The following RAP1GAP2 variants were observed in gnomAD, a reference collection of about 807,000 sequenced individuals.
RAP1GAP2 encodes the protein rap1 GTPase-activating protein 2.
A neutral mutation model predicts 95.0 loss-of-function variants in RAP1GAP2; 27 were observed. The observed-to-expected ratio is 0.28, with a 90% CI of 0.21 to 0.39. The LOEUF (loss-of-function observed/expected upper bound fraction) is 0.39. RAP1GAP2 is among the 10% of genes least tolerant of loss of function. The probability of loss-of-function intolerance (pLI) is 1.00; values close to 1 mark genes in which losing one functional copy is unlikely to be tolerated. For synonymous variants in RAP1GAP2, 373 were observed against 380.9 expected (o/e 0.98, Z 0.24); for missense variants, 771 against 970.0 (o/e 0.79, Z 2.72).
At chr17:2,943,813 C>T (rs2043597451) in intron 3 of RAP1GAP2, among the ~76,000 whole-genome samples, 1 of 152,002 alleles carries the variant, frequency 6.6e-6, no homozygotes, top group Non-Finnish European at 1.5e-5. Flanking sequence ...AATAAAACCA[C>T]AGTGATATAT....
intron 3 of RAP1GAP2, 84 bp downstream of exon 3, chr17:2,905,452 A>G: frequency 7.2e-7 from 1 of 1,383,466 alleles, no homozygotes; most frequent in Non-Finnish European, 1.0e-6. Context: ...CTCCAGGCCC[A>G]GCAGCGTCCG....
intron 12 of RAP1GAP2, among the ~76,000 whole-genome samples, chr17:2,993,277 T>G (rs2045834256): frequency 6.9e-6 from 1 of 144,270 alleles, no homozygotes; most frequent in Admixed American, 7.0e-5. Flanking sequence ...TTGGGGGGAT[T>G]AAAATAAGAT....
At chr17:2,978,074 G>A (rs576354999) in intron 8 of RAP1GAP2, among the ~76,000 whole-genome samples, 1 of 152,190 alleles carries the variant, frequency 6.6e-6, no homozygotes, top group East Asian at 1.9e-4. Flanking sequence ...TATGCACTGT[G>A]GGCATAACTT....
intron 14 of RAP1GAP2, among the ~76,000 whole-genome samples, chr17:3,000,115 T>G (rs543303317): frequency 6.6e-6 from 1 of 152,200 alleles, no homozygotes; most frequent in Admixed American, 6.5e-5. Context: ...GCCCAGCTAA[T>G]TTTTTGTATT....
intron 2 of RAP1GAP2, among the ~76,000 whole-genome samples, chr17:2,803,293 G>A (rs2069377126): frequency 6.6e-6 from 1 of 152,182 alleles, no homozygotes; most frequent in African/African-American, 2.4e-5. Context: ...TGTGTTCGGA[G>A]TTTTATTGGT....
chr17:2,831,948 T>G lies in RAP1GAP2; in HGVS notation c.80+31398T>G, dbSNP rs567280125. 3.9e-4 allele frequency among the ~76,000 whole-genome samples: 59 copies of G among 150,248 alleles called. No individual in the cohort carries two copies. In the East Asian group the frequency reaches 5.0e-3, roughly 13 times the overall value. ...AGGCTGGGCGTGGTGGCTCACGCTTTTAATCCCAGCACTTTGGGAGGCTGA... is the reference window on the plus strand; with the variant it reads ...AGGCTGGGCGTGGTGGCTCACGCTTGTAATCCCAGCACTTTGGGAGGCTGA... On this transcript the variant is annotated intron_variant, in intron 2 of 24. Coordinates refer to ENST00000254695, the MANE Select transcript of RAP1GAP2 (RefSeq NM_015085.5).
At chr17:2,758,115 C>T (rs368811163) in intron 1 of RAP1GAP2, among the ~76,000 whole-genome samples, 16 of 150,684 alleles carry the variant, frequency 1.1e-4, no homozygotes, top group South Asian at 4.2e-4. Context: ...ATGATCCGCC[C>T]GCCTTGGCCT....
chr17:2,762,262 C>T (rs2071268764), intron 1 of RAP1GAP2, among the ~76,000 whole-genome samples: 1 of 151,910 alleles, frequency 6.6e-6, no homozygotes, highest in Non-Finnish European at 1.5e-5. Flanking sequence ...GCTGGGATTA[C>T]AGGCGTGAGC....
chr17:2,765,749 A>C (rs1377810668), intron 1 of RAP1GAP2, among the ~76,000 whole-genome samples: 7 of 151,672 alleles, frequency 4.6e-5, no homozygotes, highest in Non-Finnish European at 8.8e-5. Context: ...TCTCAAAAAA[A>C]AAAAAGAGTT....
At chr17:2,801,193 G>A (rs1433436586) in intron 2 of RAP1GAP2, among the ~76,000 whole-genome samples, 1 of 151,090 alleles carries the variant, frequency 6.6e-6, no homozygotes, top group East Asian at 2.0e-4. Context: ...ATATATATTG[G>A]GCTGGGCATG....
At chr17:2,858,755 TA>T (rs1293153829) in intron 2 of RAP1GAP2, among the ~76,000 whole-genome samples, 1 of 151,582 alleles carries the variant, frequency 6.6e-6, no homozygotes. Context: ...ACAAAAAAAA[TA>T]AAAAAACATA....
chr17:2,944,178 A>C (rs1021217038), intron 3 of RAP1GAP2, among the ~76,000 whole-genome samples: 2 of 151,722 alleles, frequency 1.3e-5, no homozygotes, highest in African/African-American at 2.4e-5. Flanking sequence ...AAAAAAAAAA[A>C]AAAAACCAAA....
In RAP1GAP2 at chr17:2,779,975, G is replaced by A. The variant is rs954191298; in HGVS notation, c.-14+2697G>A. On this transcript the variant is annotated intron_variant, in intron 1 of 24. Coordinates refer to the RAP1GAP2 transcript ENST00000540393. ...GGCAGGAAGGAAGGGAGGGCATTGGGTGAGGTCTAGCTGGGCCTTCCTAGG... is the reference window on the plus strand; with the variant it reads ...GGCAGGAAGGAAGGGAGGGCATTGGATGAGGTCTAGCTGGGCCTTCCTAGG... 5.9e-5 allele frequency among the ~76,000 whole-genome samples: 9 copies of A among 152,060 alleles called. No individual in the cohort carries two copies. In the East Asian group the frequency reaches 1.7e-3, roughly 29 times the overall value.
intron 2 of RAP1GAP2, among the ~76,000 whole-genome samples, chr17:2,893,120 C>T (rs1361831481): frequency 2.0e-5 from 3 of 151,948 alleles, no homozygotes; most frequent in African/African-American, 4.8e-5. Flanking sequence ...CTCTGCCTCC[C>T]GGGTTCAAGT....
In RAP1GAP2 at chr17:2,963,602, T is replaced by G. The variant is rs574993204; in HGVS notation, c.279+140T>G. 3 of 1,184,842 alleles carry G rather than the reference T, an allele frequency of 2.5e-6. No individual in the cohort carries two copies. The Admixed American group carries it at 5.7e-5, about 23-fold the overall frequency. The allele number at this position is 1,184,842 out of a possible 1,614,324, so 73.4% of individuals were successfully genotyped here. ...GGGACCTCTCTTCCTGTCTTTGCCTTTGTAACCTCAGCTTCTCCATGTGTT... is the reference window on the plus strand; with the variant it reads ...GGGACCTCTCTTCCTGTCTTTGCCTGTGTAACCTCAGCTTCTCCATGTGTT... On this transcript the variant is annotated intron_variant, in intron 6 of 24. Coordinates refer to ENST00000254695, the MANE Select transcript of RAP1GAP2 (RefSeq NM_015085.5). The surrounding 1 kb of genome is among the most constrained non-coding windows in gnomAD (Gnocchi z 4.8).
At chr17:2,802,896 G>A (rs951504887) in intron 2 of RAP1GAP2, among the ~76,000 whole-genome samples, 2 of 152,170 alleles carry the variant, frequency 1.3e-5, no homozygotes, top group South Asian at 2.1e-4. Context: ...CAAGTCACCC[G>A]GGACAAGATG....
At chr17:3,031,076 G>A (rs796525022) in intron 23 of RAP1GAP2, 78 bp downstream of exon 23, 1 of 1,418,518 alleles carries the variant, frequency 7.0e-7, no homozygotes, top group Admixed American at 2.0e-5. Flanking sequence ...AGAGGAAGAG[G>A]GTTCAGACAT....
intron 11 of RAP1GAP2, among the ~76,000 whole-genome samples, chr17:2,989,110 A>G (rs2045664161): frequency 6.6e-6 from 1 of 152,092 alleles, no homozygotes; most frequent in Admixed American, 6.6e-5. Context: ...AAACTGCCAA[A>G]CAGTTTTCTA....
At chr17:2,853,747 C>G (rs2071993478) in intron 2 of RAP1GAP2, among the ~76,000 whole-genome samples, 1 of 142,798 alleles carries the variant, frequency 7.0e-6, no homozygotes, top group Non-Finnish European at 1.5e-5. Context: ...GAGCGAGCCT[C>G]GGAAATGCCC....
Sources: allele counts gnomAD v4.1 joint callset (sites outside exome capture counted in the v4.1 genomes callset), GRCh38; gene constraint gnomAD v4.1.1; non-coding constraint Gnocchi (gnomAD v3.1); transcripts MANE v1.5; gene names NCBI Gene and HGNC (gene_info 2026-07-23, HGNC 2026-07-21).